The following OPLAH variants were observed in gnomAD, a reference collection of about 807,000 sequenced individuals.
The protein encoded by OPLAH is 5-oxoprolinase, ATP-hydrolysing, also known as 5-oxoprolinase.
In OPLAH, 103 loss-of-function variants were observed where a neutral mutation model predicts 122.8. That is an observed-to-expected ratio of 0.84 (90% confidence interval 0.71 to 0.99). OPLAH has a LOEUF of 0.99. Ranked by LOEUF, OPLAH falls within the 50% of genes least tolerant of loss-of-function variation. The probability of loss-of-function intolerance (pLI) is 0.00; values close to 1 mark genes in which losing one functional copy is unlikely to be tolerated. For synonymous variants in OPLAH, 875 were observed against 796.0 expected (o/e 1.10, Z -1.67); for missense variants, 1,902 against 1,836.5 (o/e 1.04, Z -0.65).
Position 144,052,761 on chromosome 8 carries a change from C to T in OPLAH, c.3153+5G>A, listed in dbSNP as rs1554758010. 2 of 1,565,100 alleles carry T rather than the reference C, an allele frequency of 1.3e-6. No individual in the cohort carries two copies. The highest frequency in any genetic ancestry group is 1.7e-4 in the Middle Eastern group (1 of 5,920). The stretch of plus-strand genomic sequence containing the variant: ...GCCCCCCCTCGCGCACACACCCCTG[C>T]GAACCTGGTTGAGTGGGATGTCGCG... On this transcript the variant is annotated splice_donor_5th_base_variant and intron_variant, in intron 22 of 26. Coordinates refer to ENST00000618853, the MANE Select transcript of OPLAH (RefSeq NM_017570.5).
rs1292344717 is a variant in OPLAH, at chr8:144,051,926, G to A, written c.3612C>T (p.Tyr1204=). Residue 1204 remains tyrosine (Y), a synonymous_variant, in exon 25 of 27, where the codon TAC becomes TAT. Transcript: ENST00000618853. The stretch of plus-strand genomic sequence containing the variant: ...TGGGGAACCGCGCACCGTGGAGCCC[G>A]TATGGCCGGAAGGCGCGGCGCTCGG... The part of the protein sequence containing the change: ...VLTERRAFRP[Y]GLHGGEPGAR... 2 of 1,535,754 alleles carry A rather than the reference G, an allele frequency of 1.3e-6. No individual in the cohort carries two copies. The highest frequency in any genetic ancestry group is 1.7e-6 in the Non-Finnish European group (2 of 1,147,770).
chr8:144,057,034 C>A lies in OPLAH; in HGVS notation c.1620G>T (p.Ala540=), dbSNP rs373625712. ...GGTCCAGCTGCACGAAGGTCTCAGG[C>A]GCGTAGAGCAGGGAGCAGGGTTCCT... ...EAQEPCSLLY[A]PETFVQLDQR... The change falls in exon 12 of 27, where the codon GCG becomes GCT. Residue 540 remains alanine (A), a synonymous_variant. Coordinates refer to ENST00000618853, the MANE Select transcript of OPLAH (RefSeq NM_017570.5). 9 of 1,599,710 alleles carry A rather than the reference C, an allele frequency of 5.6e-6. No individual in the cohort carries two copies. The highest frequency in any genetic ancestry group is 6.8e-6 in the Non-Finnish European group (8 of 1,174,298).
Position 144,055,752 on chromosome 8 carries a change from C to T in OPLAH, c.2248+36G>A, listed in dbSNP as rs782428634. On this transcript the variant is annotated intron_variant, in intron 16 of 26. Coordinates refer to ENST00000618853, the MANE Select transcript of OPLAH (RefSeq NM_017570.5). This position sits in a 1 kb window ranked among gnomAD's most constrained non-coding sequence, Gnocchi z 6.5. ...CAGCTACCCCATGACACAGCCGGCG[C>T]CTCATCCCACAGGGAGCCTGGCAGC... 1.4e-6 allele frequency: 2 copies of T among 1,471,678 alleles called. No individual in the cohort carries two copies. Among genetic ancestry groups the T allele is most frequent in the Non-Finnish European group, 1.8e-6 (2 of 1,104,398 alleles). The allele number at this position is 1,471,678 out of a possible 1,614,324, so 91.2% of individuals were successfully genotyped here.
chr8:144,059,568 C>T (rs1554760362), intron 3 of OPLAH, 31 bp downstream of exon 3: 1 of 1,578,166 alleles, frequency 6.3e-7, no homozygotes, highest in South Asian at 1.2e-5. Context: ...GTACACCACA[C>T]AGCCTGGTCC....
Position 144,059,970 on chromosome 8 carries a change from G to A in OPLAH, c.63C>T (p.Val21=). Residue 21 remains valine, a synonymous_variant, in exon 2 of 27, where the codon GTC becomes GTT. Transcript: ENST00000618853. ...CGTGCCCCCCTGGGCACTGGGCAAA[G>A]ACGTCTGTGAAGGTACCCCCACGGT... is the stretch of plus-strand genomic sequence containing the variant. ...AIDRGGTFTD[V]FAQCPGGHVR... The A allele has an allele frequency of 1.2e-6, 2 of 1,612,786 alleles. No homozygotes were observed. Among genetic ancestry groups the A allele is most frequent in the Non-Finnish European group, 1.7e-6 (2 of 1,179,834 alleles).
intron 19 of OPLAH, among the ~76,000 whole-genome samples, 158 bp from the exon 20 acceptor site, chr8:144,053,551 G>A (rs893751650): frequency 2.6e-5 from 4 of 152,004 alleles, no homozygotes; most frequent in African/African-American, 9.7e-5. Context: ...CTTGAGCCTG[G>A]CTCAGGGTCC....
chr8:144,058,432 A>C, intron 6 of OPLAH, 28 bp from the exon 7 acceptor site: 1 of 1,585,398 alleles, frequency 6.3e-7, no homozygotes, highest in Non-Finnish European at 8.5e-7. Context: ...GCGGGCCATG[A>C]GGGGCAGGCC....
rs148181675 is a variant in OPLAH, at chr8:144,056,395, C to A, written c.1973G>T (p.Arg658Leu). ...DAPKAQTGPP[R>L]VDKMTQCYFE... Reference sequence around the variant, plus strand: ...GGCAGGACCACCAACCTTGTCCACCCGGGGAGGCCCGGTCTGGGCTTTGGG... The same window carrying A: ...GGCAGGACCACCAACCTTGTCCACCAGGGGAGGCCCGGTCTGGGCTTTGGG... Residue 658 changes from arginine to leucine, a missense_variant, in exon 14 of 27, where the codon CGG (arginine) becomes CTG (leucine). Coordinates refer to ENST00000618853, the MANE Select transcript of OPLAH (RefSeq NM_017570.5). 599 of 1,604,760 alleles carry A rather than the reference C, an allele frequency of 3.7e-4. 4 individuals carry two copies. The East Asian group carries it at 0.012, about 32-fold the overall frequency.
chr8:144,051,870 TGGGGGCGGGGGC>T (rs1554757736), intron 25 of OPLAH, 34 bp downstream of exon 25: 4 of 114,386 alleles, frequency 3.5e-5, no homozygotes, highest in Non-Finnish European at 4.3e-5. Flanking sequence ...GGGGCGGGGG[TGGGGGCGGGGGC>T]GGGGAGGGCC....
Position 144,052,596 on chromosome 8 carries a change from GC to G in OPLAH, c.3155del (p.Gly1052AlafsTer53). On this transcript the variant is annotated frameshift_variant and splice_region_variant, in exon 23 of 27. Transcript: ENST00000618853. LOFTEE classifies it high-confidence loss of function. ...TGACCACGCGCACTGGCGCCAGGCA[GC>G]CCTGTGCGGGGCGGGCGGCTCTCAG... ...LVGRDIPLNQ[G>X]CLAPVRVVIP... 6.3e-7 allele frequency: 1 copy of G among 1,593,642 alleles called. No individual in the cohort carries two copies. The highest frequency in any genetic ancestry group is 1.3e-5 in the African/African-American group (1 of 74,844).
downstream of OPLAH, chr8:144,051,107 C>T: frequency 7.2e-7 from 1 of 1,381,776 alleles, no homozygotes; most frequent in Non-Finnish European, 9.3e-7. Context: ...CTGACTCCCG[C>T]CCCCAGGAGG....
At chr8:144,054,970 T>TGGGGGGGG (rs371475686) in intron 17 of OPLAH, 57 bp from the exon 18 acceptor site, 2 of 306,498 alleles carry the variant, frequency 6.5e-6, no homozygotes, top group Admixed American at 1.5e-4. Flanking sequence ...CAGAGCGGGG[T>TGGGGGGGG]GGGGGGGGGG....
Position 144,053,218 on chromosome 8 carries a change from G to A in OPLAH, c.2862C>T (p.Gly954=). 6.2e-7 allele frequency: 1 copy of A among 1,612,622 alleles called. No individual in the cohort carries two copies. The stretch of plus-strand genomic sequence containing the variant: ...CTGTGCCCAGGCCCACCTGAATATG[G>A]CCCATGTAGGCCTGCACCACGTCCA... ...YGLDVVQAYM[G]HIQANAELAV... Residue 954 remains glycine (G), a synonymous_variant, in exon 20 of 27, where the codon GGC becomes GGT. Coordinates refer to ENST00000618853, the MANE Select transcript of OPLAH (RefSeq NM_017570.5).
In OPLAH at chr8:144,052,258, C is replaced by G. The variant is rs1410539916; in HGVS notation, c.3372G>C (p.Ala1124=). ...MGYYETVAGG[A]GAGPSWHGRS... ...GCCCGTGCCAGCTGGGACCCGCGCC[C>G]GCGCCGCCCGCCACCGTCTCGTAGT... Residue 1124 remains alanine (A), a synonymous_variant, in exon 24 of 27, where the codon GCG becomes GCC. Coordinates refer to ENST00000618853, the MANE Select transcript of OPLAH (RefSeq NM_017570.5). 1.9e-6 allele frequency: 3 copies of G among 1,539,740 alleles called. No individual in the cohort carries two copies. The highest frequency in any genetic ancestry group is 2.6e-6 in the Non-Finnish European group (3 of 1,147,866).
chr8:144,052,836 C>G lies in OPLAH; in HGVS notation c.3083G>C (p.Arg1028Pro). Residue 1028 changes from arginine to proline, a missense_variant, in exon 22 of 27, where the codon CGG (arginine) becomes CCG (proline). By Grantham distance (103) the Arg-to-Pro change is moderately radical (BLOSUM62 -2). Around this residue, in one of 3 missense-constraint regions of OPLAH, gnomAD observed 1,726 missense variants for 1,642.1 expected, o/e 1.05. Coordinates refer to ENST00000618853, the MANE Select transcript of OPLAH (RefSeq NM_017570.5). Reference protein sequence around the residue: ...PEVFGNLNAPRAVTLSALIYC... With the variant: ...PEVFGNLNAPPAVTLSALIYC... ...GATGAGGGCGGACAGGGTTACGGCC[C>G]GCGGTGCGTTGAGATTACCAAACAC... 1.9e-6 allele frequency: 3 copies of G among 1,556,550 alleles called. No individual in the cohort carries two copies. The highest frequency in any genetic ancestry group is 2.6e-6 in the Non-Finnish European group (3 of 1,150,890).
At chr8:144,050,960 A>G, downstream of OPLAH, 1 of 1,044,648 alleles carries the variant, frequency 9.6e-7, no homozygotes, top group Non-Finnish European at 1.2e-6. Context: ...AGCAGGAGAA[A>G]GGGCGCCACC....
chr8:144,053,195 G>A lies in OPLAH; in HGVS notation c.2871+14C>T. 1 of 1,611,664 alleles carries A rather than the reference G, an allele frequency of 6.2e-7. No homozygotes were observed. Among genetic ancestry groups the A allele is most frequent in the Non-Finnish European group, 8.5e-7 (1 of 1,179,406 alleles). ...GGATGGCCCTGCCGCCCACACTCCT[G>A]TGCCCAGGCCCACCTGAATATGGCC... On this transcript the variant is annotated intron_variant, in intron 20 of 26. Transcript: ENST00000618853.
At chr8:144,061,015 G>A (rs1835653891), upstream of OPLAH, among the ~76,000 whole-genome samples, 1 of 152,222 alleles carries the variant, frequency 6.6e-6, no homozygotes, top group Non-Finnish European at 1.5e-5. Context: ...GTCCTTCCCC[G>A]TGGAGGGGGC....
upstream of OPLAH, among the ~76,000 whole-genome samples, chr8:144,063,515 G>T (rs1255324304): frequency 6.6e-6 from 1 of 152,152 alleles, no homozygotes; most frequent in South Asian, 2.1e-4. The surrounding 1 kb of genome is among the most constrained non-coding windows in gnomAD (Gnocchi z 4.2). Context: ...GGAAAGCCGC[G>T]CCCCAGCCTG....
Sources: allele counts gnomAD v4.1 joint callset (sites outside exome capture counted in the v4.1 genomes callset), GRCh38; gene constraint gnomAD v4.1.1; regional missense constraint gnomAD v4.1.1; non-coding constraint Gnocchi (gnomAD v3.1); transcripts MANE v1.5; gene names NCBI Gene and HGNC (gene_info 2026-07-23, HGNC 2026-07-21).